Variants in RANBP2 observed in about 807,000 individuals in gnomAD.
RANBP2 encodes the protein E3 SUMO-protein ligase RanBP2.
In RANBP2, 57 loss-of-function variants were observed where a neutral mutation model predicts 303.6. The ratio of observed to expected loss-of-function variants is 0.19; its 90% CI spans 0.15 to 0.23. The LOEUF is 0.23. RANBP2 is among the 10% of genes least tolerant of loss of function. The probability of loss-of-function intolerance (pLI) is 1.00; values close to 1 mark genes in which losing one functional copy is unlikely to be tolerated. For missense variants in RANBP2, 3,138 were observed against 3,780.8 expected, an observed-to-expected ratio of 0.83 and a Z score of 4.46; for synonymous variants, 1,167 against 1,301.5, an observed-to-expected ratio of 0.90 and a Z score of 2.23.
the RANBP2 span, among the ~76,000 whole-genome samples, chr2:109,326,238 T>C: frequency 6.6e-6 from 1 of 152,266 alleles, no homozygotes; most frequent in Admixed American, 6.5e-5. Flanking sequence ...AGGAATCAGC[T>C]GTGTTGATGT....
At chr2:109,299,021 C>T in the RANBP2 span, among the ~76,000 whole-genome samples, 1 of 152,214 alleles carries the variant, frequency 6.6e-6, no homozygotes, top group Non-Finnish European at 1.5e-5. Flanking sequence ...CTGGTGATGT[C>T]TCCCCCCAGT....
At chr2:109,664,929 TA>T in the RANBP2 span, among the ~76,000 whole-genome samples, 25 of 136,268 alleles carry the variant, frequency 1.8e-4, no homozygotes, top group African/African-American at 2.4e-4. Flanking sequence ...AAATTCTGTC[TA>T]AAAAAAAAAA....
chr2:109,621,709 C>G, the RANBP2 span, among the ~76,000 whole-genome samples: 1 of 151,796 alleles, frequency 6.6e-6, no homozygotes, highest in Non-Finnish European at 1.5e-5. Context: ...GTTAGGAGTT[C>G]GAGACCAGCC....
At chr2:108,907,860 C>T in the RANBP2 span, 12 of 1,613,466 alleles carry the variant, frequency 7.4e-6, no homozygotes, top group Non-Finnish European at 1.0e-5. Context: ...GGAGCCTCAC[C>T]CCGGCTGACT....
chr2:109,513,156 C>T, the RANBP2 span, among the ~76,000 whole-genome samples: 171 of 152,260 alleles, frequency 1.1e-3, no homozygotes, highest in South Asian at 8.5e-3. Context: ...CTTCCACTCC[C>T]GTGCCCTGGA....
At chr2:109,293,953 A>G in the RANBP2 span, among the ~76,000 whole-genome samples, 4 of 152,108 alleles carry the variant, frequency 2.6e-5, no homozygotes, top group Non-Finnish European at 5.9e-5. Flanking sequence ...ATGTTCTCCA[A>G]GAGCTTCCCT....
At chr2:109,150,488 C>T in the RANBP2 span, among the ~76,000 whole-genome samples, 6 of 152,142 alleles carry the variant, frequency 3.9e-5, no homozygotes, top group Admixed American at 6.5e-5. Flanking sequence ...TTTACAAAAA[C>T]GAGGAATTCA....
the RANBP2 span, among the ~76,000 whole-genome samples, chr2:108,991,505 G>C: frequency 1.3e-5 from 2 of 152,182 alleles, no homozygotes; most frequent in African/African-American, 4.8e-5. Context: ...ATGTAATTTA[G>C]AACAAATGAA....
At chr2:109,739,754 AT>A in the RANBP2 span, among the ~76,000 whole-genome samples, 1 of 151,818 alleles carries the variant, frequency 6.6e-6, no homozygotes, top group African/African-American at 2.4e-5. Context: ...TTCCAATACT[AT>A]GTTAAATAAC....
chr2:108,919,797 A>C, the RANBP2 span, among the ~76,000 whole-genome samples: 1 of 152,150 alleles, frequency 6.6e-6, no homozygotes, highest in East Asian at 1.9e-4. Context: ...CTCTCCCCGC[A>C]CTACGAAGCT....
the RANBP2 span, among the ~76,000 whole-genome samples, chr2:109,250,821 C>T: frequency 6.6e-6 from 1 of 151,378 alleles, no homozygotes; most frequent in Non-Finnish European, 1.5e-5. Flanking sequence ...ATTTTGAAGC[C>T]CTGGGAAATA....
chr2:109,366,333 A>C, the RANBP2 span, among the ~76,000 whole-genome samples: 3 of 152,216 alleles, frequency 2.0e-5, no homozygotes, highest in African/African-American at 7.2e-5. Context: ...ATATAATGGA[A>C]TGTCTCTGTG....
chr2:108,957,135 C>T, the RANBP2 span, among the ~76,000 whole-genome samples: 1 of 152,208 alleles, frequency 6.6e-6, no homozygotes, highest in East Asian at 1.9e-4. Flanking sequence ...CTACACTTTC[C>T]CCAGGCCTCA....
chr2:108,751,902 G>C lies in RANBP2; in HGVS notation c.1663G>C (p.Val555Leu), dbSNP rs1352694082. ...AAACGTAGCAAAATTGAGACTTCTAGTTCAGCATGAAATAAACACTCTAAG... is the reference window on the plus strand; with the variant it reads ...AAACGTAGCAAAATTGAGACTTCTACTTCAGCATGAAATAAACACTCTAAG... ...PGNVAKLRLL[V>L]QHEINTLRAQ... Residue 555 changes from valine to leucine, a missense_variant, in exon 12 of 29, where the codon GTT (valine) becomes CTT (leucine). Transcript: ENST00000283195. 1.2e-6 allele frequency: 2 copies of C among 1,611,796 alleles called. No homozygotes were observed. Among genetic ancestry groups the C allele is most frequent in the Non-Finnish European group, 1.7e-6 (2 of 1,179,844 alleles).
At chr2:109,582,388 C>T in the RANBP2 span, among the ~76,000 whole-genome samples, 389 of 152,252 alleles carry the variant, frequency 2.6e-3, 2 homozygotes, top group Non-Finnish European at 4.5e-3. Context: ...GGCATGATCA[C>T]GGCTCACTGC....
chr2:109,238,687 T>C, the RANBP2 span, among the ~76,000 whole-genome samples: 1 of 152,282 alleles, frequency 6.6e-6, no homozygotes. Flanking sequence ...CAGGATGGCC[T>C]CACTCCACAG....
chr2:109,125,395 A>G, the RANBP2 span, among the ~76,000 whole-genome samples: 1 of 152,226 alleles, frequency 6.6e-6, no homozygotes, highest in Non-Finnish European at 1.5e-5. Context: ...AACCTGACAT[A>G]CAGCCGTCCA....
At chr2:108,972,442 T>C in the RANBP2 span, among the ~76,000 whole-genome samples, 1 of 152,244 alleles carries the variant, frequency 6.6e-6, no homozygotes, top group African/African-American at 2.4e-5. Flanking sequence ...CTGGCTTTCA[T>C]GCCAACGTGC....
At chr2:109,737,456 G>A in the RANBP2 span, 1 of 636,516 alleles carries the variant, frequency 1.6e-6, no homozygotes, top group East Asian at 2.8e-5. Flanking sequence ...GTGCAACCAA[G>A]AGTGAACTTC....
Sources: gnomAD v4.1 joint callset for allele counts (sites outside exome capture counted in the v4.1 genomes callset) on GRCh38, gnomAD v4.1.1 for gene constraint, MANE v1.5 for transcripts, NCBI Gene and HGNC (gene_info 2026-07-23, HGNC 2026-07-21) for gene names.